NUP153: variants seen among roughly 807,000 people sequenced by gnomAD.
NUP153 encodes nuclear pore complex protein Nup153.
NUP153 carries 27 observed loss-of-function variants against 134.6 expected under a neutral mutation model. The ratio of observed to expected loss-of-function variants is 0.20; its 90% CI spans 0.15 to 0.28. The LOEUF (loss-of-function observed/expected upper bound fraction) is 0.28, where lower values mean the gene tolerates loss of function less well. Among genes scored for constraint, NUP153 ranks in the 10% least tolerant of loss-of-function variants. The probability of loss-of-function intolerance (pLI) is 1.00; values close to 1 mark genes in which losing one functional copy is unlikely to be tolerated. For missense variants in NUP153, 1,821 were observed against 1,731.3 expected (o/e 1.05, Z -0.92); for synonymous variants, 640 against 623.5 (o/e 1.03, Z -0.40).
At chr6:17,688,370 T>C (rs779615745) in intron 2 of NUP153, 26 bp downstream of exon 2, 22 of 1,575,252 alleles carry the variant, frequency 1.4e-5, no homozygotes, top group East Asian at 2.2e-5. Flanking sequence ...CTATCATTCA[T>C]GACAAAATAT....
At position 17,706,270 on chromosome 6, in the gene NUP153, C is replaced by A; in HGVS notation, c.111+7G>T. On this transcript the variant is annotated splice_region_variant and intron_variant, in intron 1 of 21. Transcript: ENST00000262077. The surrounding 1 kb of genome is among the most constrained non-coding windows in gnomAD (Gnocchi z 5.9). Reference sequence around the variant, plus strand: ...CGCCAGGCCACCGCGGCGTCGGGGTCCCATACCTGATGCTGTTGTCGCCCC... The same window carrying A: ...CGCCAGGCCACCGCGGCGTCGGGGTACCATACCTGATGCTGTTGTCGCCCC... 1 of 1,607,682 alleles carries A rather than the reference C, an allele frequency of 6.2e-7. No individual in the cohort carries two copies. Among genetic ancestry groups the A allele is most frequent in the South Asian group, 1.1e-5 (1 of 90,956 alleles).
intron 1 of NUP153, among the ~76,000 whole-genome samples, chr6:17,693,624 C>G (rs925167364): frequency 1.3e-5 from 2 of 152,166 alleles, no homozygotes; most frequent in Non-Finnish European, 2.9e-5. Context: ...CAGTGGCTCA[C>G]GCCTGTAATC....
intron 2 of NUP153, among the ~76,000 whole-genome samples, chr6:17,679,945 C>A (rs1217060410): frequency 6.6e-6 from 1 of 152,194 alleles, no homozygotes; most frequent in Non-Finnish European, 1.5e-5. Flanking sequence ...ACCGGCCAGA[C>A]CACTACTCAA....
chr6:17,706,263 T>C lies in NUP153; in HGVS notation c.111+14A>G. The C allele has an allele frequency of 6.2e-7, 1 of 1,600,582 alleles. No individual in the cohort carries two copies. On this transcript the variant is annotated intron_variant, in intron 1 of 21. Transcript: ENST00000262077. This position sits in a 1 kb window ranked among gnomAD's most constrained non-coding sequence, Gnocchi z 5.9. Reference sequence around the variant, plus strand: ...CCCCACCCGCCAGGCCACCGCGGCGTCGGGGTCCCATACCTGATGCTGTTG... The same window carrying C: ...CCCCACCCGCCAGGCCACCGCGGCGCCGGGGTCCCATACCTGATGCTGTTG...
At chr6:17,703,436 C>A (rs927415993) in intron 1 of NUP153, among the ~76,000 whole-genome samples, 1 of 152,054 alleles carries the variant, frequency 6.6e-6, no homozygotes, top group Non-Finnish European at 1.5e-5. Flanking sequence ...CAACTTTCTG[C>A]TATACTACCA....
At chr6:17,657,399 AAT>A (rs1188693288) in intron 11 of NUP153, among the ~76,000 whole-genome samples, 33 of 149,254 alleles carry the variant, frequency 2.2e-4, no homozygotes, top group African/African-American at 8.4e-4. Flanking sequence ...AAAATAAAAA[AAT>A]AAAAAAAAAA....
intron 2 of NUP153, among the ~76,000 whole-genome samples, chr6:17,676,033 T>G (rs891265776): frequency 2.0e-5 from 3 of 152,226 alleles, no homozygotes; most frequent in African/African-American, 7.2e-5. Flanking sequence ...AACTATTTTT[T>G]GCCAGTTGAT....
chr6:17,679,396 C>A (rs745956744), intron 2 of NUP153, among the ~76,000 whole-genome samples: 1 of 152,158 alleles, frequency 6.6e-6, no homozygotes, highest in East Asian at 1.9e-4. Flanking sequence ...AAATATCCCA[C>A]GTACATGGAC....
chr6:17,693,629 G>A (rs1769429212), intron 1 of NUP153, among the ~76,000 whole-genome samples: 1 of 152,214 alleles, frequency 6.6e-6, no homozygotes, highest in African/African-American at 2.4e-5. Context: ...GCTCACGCCT[G>A]TAATCCCAGC....
intron 16 of NUP153, among the ~76,000 whole-genome samples, chr6:17,636,253 T>G (rs1221111816): frequency 2.0e-5 from 3 of 150,676 alleles, no homozygotes; most frequent in African/African-American, 7.4e-5. Context: ...AAGAATTGCA[T>G]GCATCTGGGA....
intron 5 of NUP153, 50 bp from the exon 6 acceptor site, chr6:17,669,596 A>AT (rs1767774525): frequency 8.2e-7 from 1 of 1,219,394 alleles, no homozygotes; most frequent in Non-Finnish European, 1.2e-6. Flanking sequence ...TCTAAGGCAC[A>AT]TATTTCATGC....
rs531886026 is a variant in NUP153, at chr6:17,688,668, A to C, written c.112-50T>G. On this transcript the variant is annotated intron_variant, in intron 1 of 21. Transcript: ENST00000262077. ...GACAGTTTTAGAAATTTATCTTTTTAAAATAAGTACCTACTCACTGAAAGC... is the reference window on the plus strand; with the variant it reads ...GACAGTTTTAGAAATTTATCTTTTTCAAATAAGTACCTACTCACTGAAAGC... 66 of 1,447,024 alleles carry C rather than the reference A, an allele frequency of 4.6e-5. 1 individual carries two copies. The South Asian group carries it at 6.5e-4, about 14-fold the overall frequency. The allele number at this position is 1,447,024 out of a possible 1,614,324, so 89.6% of individuals were successfully genotyped here.
At position 17,674,985 on chromosome 6, in the gene NUP153, G is replaced by T. The variant is rs199878758; in HGVS notation, c.772C>A (p.Pro258Thr). Reference sequence around the variant, plus strand: ...TATGTTGTTTTTCCAGGATAAAAAGGAGAATCTCCAAGCTGACTGGTTTTA... The same window carrying T: ...TATGTTGTTTTTCCAGGATAAAAAGTAGAATCTCCAAGCTGACTGGTTTTA... ...ILKTSQLGDS[P>T]FYPGKTTYGG... The change falls in exon 5 of 22, where the codon CCT becomes ACT. Residue 258 changes from proline to threonine, a missense_variant. Coordinates refer to ENST00000262077, the MANE Select transcript of NUP153 (RefSeq NM_005124.4). 117 of 1,613,354 alleles carry T rather than the reference G, an allele frequency of 7.3e-5. No homozygotes were observed. The highest frequency in any genetic ancestry group is 2.4e-5 in the Non-Finnish European group (28 of 1,179,602).
At position 17,675,150 on chromosome 6, in the gene NUP153, T is replaced by C. The variant is rs1341757570; in HGVS notation, c.723+79A>G. ...CCTGGGCAACAGCAAAAGACTCTTGTCTCAGAAAAAAAAAAAAAAATTATA... is the reference window on the plus strand; with the variant it reads ...CCTGGGCAACAGCAAAAGACTCTTGCCTCAGAAAAAAAAAAAAAAATTATA... On this transcript the variant is annotated intron_variant, in intron 4 of 21. Transcript: ENST00000262077. This position sits in a 1 kb window ranked among gnomAD's most constrained non-coding sequence, Gnocchi z 4.4. The C allele has an allele frequency of 1.3e-6, 2 of 1,527,298 alleles. No homozygotes were observed. Among genetic ancestry groups the C allele is most frequent in the Middle Eastern group, 1.7e-4 (1 of 5,732 alleles). 94.6% of individuals were successfully genotyped at this position (1,527,298 alleles called of 1,614,324 possible).
intron 18 of NUP153, among the ~76,000 whole-genome samples, chr6:17,627,206 T>G (rs181588350): frequency 6.6e-6 from 1 of 152,186 alleles, no homozygotes; most frequent in African/African-American, 2.4e-5. Flanking sequence ...TGGTTAAGAG[T>G]GTCTACCATA....
chr6:17,702,583 G>C (rs1190203597), intron 1 of NUP153, among the ~76,000 whole-genome samples: 3 of 151,764 alleles, frequency 2.0e-5, no homozygotes, highest in Non-Finnish European at 4.4e-5. Context: ...GGCTGAGGCA[G>C]GAGAATAGCT....
At chr6:17,639,886 T>C (rs907947985) in intron 15 of NUP153, 53 bp downstream of exon 15, 1 of 1,513,162 alleles carries the variant, frequency 6.6e-7, no homozygotes, top group Non-Finnish European at 8.9e-7. Flanking sequence ...AAAATGACAT[T>C]AAATTGAGAT....
intron 1 of NUP153, among the ~76,000 whole-genome samples, chr6:17,704,769 T>C (rs985069936): frequency 1.3e-5 from 2 of 148,252 alleles, no homozygotes; most frequent in Admixed American, 1.3e-4. Context: ...CTTTTTTTTT[T>C]TTTCTTCGAG....
chr6:17,681,420 C>T (rs1274459487), intron 2 of NUP153, among the ~76,000 whole-genome samples: 1 of 151,934 alleles, frequency 6.6e-6, no homozygotes, highest in Non-Finnish European at 1.5e-5. Context: ...CCCGTGTCTA[C>T]TAAAAATACA....
Sources: gnomAD v4.1 joint callset for allele counts (sites outside exome capture counted in the v4.1 genomes callset) on GRCh38, gnomAD v4.1.1 for gene constraint, Gnocchi (gnomAD v3.1) non-coding constraint, MANE v1.5 for transcripts, NCBI Gene and HGNC (gene_info 2026-07-23, HGNC 2026-07-21) for gene names.